PREX2: variants seen among roughly 807,000 people sequenced by gnomAD.
PREX2 encodes phosphatidylinositol 3,4,5-trisphosphate-dependent Rac exchanger 2 protein.
PREX2 carries 107 observed loss-of-function variants against 203.2 expected under a neutral mutation model. The observed-to-expected ratio is 0.53, with a 90% confidence interval of 0.45 to 0.62. The LOEUF (loss-of-function observed/expected upper bound fraction) is 0.62. Ranked by LOEUF, PREX2 falls within the 20% of genes least tolerant of loss-of-function variation. PREX2 has a pLI of 0.00. For synonymous variants in PREX2, 672 were observed against 663.6 expected (o/e 1.01, Z -0.19); for missense variants, 1,777 against 1,955.9 (o/e 0.91, Z 1.72).
At chr8:67,967,969 A>C (rs1466001225) in intron 1 of PREX2, among the ~76,000 whole-genome samples, 2 of 151,916 alleles carry the variant, frequency 1.3e-5, no homozygotes, top group Non-Finnish European at 2.9e-5. Flanking sequence ...GATATACCTA[A>C]TGTAAATGAC....
intron 10 of PREX2, among the ~76,000 whole-genome samples, chr8:68,057,878 G>T (rs185790699): frequency 6.6e-6 from 1 of 152,232 alleles, no homozygotes; most frequent in East Asian, 1.9e-4. Flanking sequence ...GTTAGCCCAG[G>T]GTCAAGTTTG....
chr8:68,229,464 C>T (rs1006659011), intron 39 of PREX2, among the ~76,000 whole-genome samples: 4 of 152,178 alleles, frequency 2.6e-5, no homozygotes, highest in African/African-American at 9.7e-5. Context: ...GTTCTGAATT[C>T]CCAAAGCTCT....
intron 23 of PREX2, chr8:68,103,098 G>C (rs1405279994): frequency 7.4e-6 from 3 of 408,102 alleles, no homozygotes; most frequent in African/African-American, 6.3e-5. Context: ...ATATTCAAGA[G>C]ATAGTTCCTG....
chr8:68,009,311 A>G (rs954814109), intron 1 of PREX2, among the ~76,000 whole-genome samples: 2 of 152,202 alleles, frequency 1.3e-5, no homozygotes, highest in Non-Finnish European at 2.9e-5. Flanking sequence ...GTGCTTGAGA[A>G]TATTATCTAT....
chr8:68,204,254 A>G (rs756224871), intron 37 of PREX2, among the ~76,000 whole-genome samples: 17 of 152,212 alleles, frequency 1.1e-4, no homozygotes, highest in African/African-American at 3.6e-4. Context: ...AATCACCTCT[A>G]TGCTAACCTC....
chr8:68,148,568 C>T (rs1811372780), intron 34 of PREX2, among the ~76,000 whole-genome samples: 1 of 152,198 alleles, frequency 6.6e-6, no homozygotes, highest in Non-Finnish European at 1.5e-5. Flanking sequence ...TGCAAGCAAC[C>T]TCTATTTTAT....
intron 2 of PREX2, among the ~76,000 whole-genome samples, chr8:68,018,465 CT>C (rs1807468889): frequency 1.3e-5 from 2 of 151,816 alleles, no homozygotes; most frequent in African/African-American, 4.8e-5. Context: ...GAGACTCTGT[CT>C]CAAAATAAAT....
rs746120016 is a variant in PREX2, at chr8:68,157,326, A to G, written c.4236A>G (p.Leu1412=). The G allele has an allele frequency of 3.2e-6, 5 of 1,576,330 alleles. No individual in the cohort carries two copies. The highest frequency in any genetic ancestry group is 3.3e-5 in the Admixed American group (2 of 59,836). The change falls in exon 35 of 40, where the codon CTA becomes CTG. Residue 1412 remains leucine, a synonymous_variant. Transcript: ENST00000288368. The part of the protein sequence containing the change: ...KIHPVLFAQA[L]ESMEGYYYRD... ...TATGTTTACTTGTTTACACAGCACT[A>G]GAGAGCATGGAAGGATATTATTACA...
intron 1 of PREX2, among the ~76,000 whole-genome samples, chr8:67,975,914 C>T (rs1265831454): frequency 6.7e-6 from 1 of 149,606 alleles, no homozygotes; most frequent in Non-Finnish European, 1.5e-5. Context: ...CGGGGTTTCA[C>T]CATGATGGCC....
Position 68,235,237 on chromosome 8 carries a change from G to A in PREX2, c.*3859G>A, listed in dbSNP as rs1180842990. 1.3e-5 allele frequency: 2 copies of A among 152,064 alleles called. No homozygotes were observed. Among genetic ancestry groups the A allele is most frequent in the Non-Finnish European group, 2.9e-5 (2 of 67,998 alleles). 9.4% of individuals were successfully genotyped at this position (152,064 alleles called of 1,614,324 possible). ...ATAATATTGAAATTTAAAATGAATA[G>A]TCTTACTTTAAGGTCACTTTTACTT... On this transcript the variant is annotated 3_prime_UTR_variant, in exon 40 of 40. Coordinates refer to ENST00000288368, the MANE Select transcript of PREX2 (RefSeq NM_024870.4).
At chr8:67,984,481 G>A (rs1046707486) in intron 1 of PREX2, among the ~76,000 whole-genome samples, 2 of 152,168 alleles carry the variant, frequency 1.3e-5, no homozygotes, top group East Asian at 1.9e-4. Context: ...ACATGCATGT[G>A]TATGTATGTG....
intron 1 of PREX2, among the ~76,000 whole-genome samples, chr8:68,011,990 G>A (rs1037942090): frequency 6.6e-6 from 1 of 151,942 alleles, no homozygotes; most frequent in Non-Finnish European, 1.5e-5. Flanking sequence ...GTAATTTTAC[G>A]CATAATTGTA....
At chr8:67,969,536 T>A (rs767415195) in intron 1 of PREX2, among the ~76,000 whole-genome samples, 1 of 152,128 alleles carries the variant, frequency 6.6e-6, no homozygotes, top group Non-Finnish European at 1.5e-5. Context: ...AGAGGTAGAT[T>A]TTGATTGCTT....
intron 9 of PREX2, among the ~76,000 whole-genome samples, chr8:68,055,138 C>T (rs752852791): frequency 2.6e-5 from 4 of 152,188 alleles, no homozygotes; most frequent in Non-Finnish European, 5.9e-5. Context: ...CAAAGCAACA[C>T]AACTTTCTTT....
At chr8:68,170,542 C>A (rs1563573709) in intron 35 of PREX2, among the ~76,000 whole-genome samples, 2 of 152,290 alleles carry the variant, frequency 1.3e-5, no homozygotes, top group East Asian at 3.9e-4. Context: ...CTTTTTGACC[C>A]CAGTGAATAA....
chr8:68,021,519 A>G (rs1036701673), intron 3 of PREX2, among the ~76,000 whole-genome samples: 3 of 152,150 alleles, frequency 2.0e-5, no homozygotes, highest in African/African-American at 4.8e-5. Context: ...ACTGGTGTAT[A>G]TGAACTGCAG....
intron 8 of PREX2, among the ~76,000 whole-genome samples, chr8:68,049,489 A>G (rs965280152): frequency 3.3e-5 from 5 of 152,166 alleles, no homozygotes; most frequent in Middle Eastern, 3.4e-3. Flanking sequence ...TCAGTTTTGG[A>G]AAAATCCCAT....
intron 37 of PREX2, among the ~76,000 whole-genome samples, chr8:68,199,694 T>A (rs1430055593): frequency 6.6e-6 from 1 of 152,234 alleles, no homozygotes. Flanking sequence ...TAAAAAATCT[T>A]ATTCAGGTAA....
chr8:68,145,913 A>G (rs550972052), intron 33 of PREX2, among the ~76,000 whole-genome samples: 7 of 152,220 alleles, frequency 4.6e-5, no homozygotes, highest in Non-Finnish European at 7.4e-5. Flanking sequence ...ATTCCAAACT[A>G]TGTGTAGCTA....
Sources: allele counts gnomAD v4.1 joint callset (sites outside exome capture counted in the v4.1 genomes callset), GRCh38; gene constraint gnomAD v4.1.1; transcripts MANE v1.5; gene names NCBI Gene and HGNC (gene_info 2026-07-23, HGNC 2026-07-21).